The following TMEM156 variants were observed in gnomAD, a reference collection of about 807,000 sequenced individuals.
The protein encoded by TMEM156 is transmembrane protein 156.
Under a neutral mutation model 30.5 loss-of-function variants are expected in TMEM156, and 28 were observed. The observed-to-expected ratio is 0.92, with a 90% CI of 0.68 to 1.26. The LOEUF (loss-of-function observed/expected upper bound fraction) is 1.26, where lower values mean the gene tolerates loss of function less well. TMEM156 is among the 50% of genes most tolerant of loss of function. The pLI is 0.00. For synonymous variants in TMEM156, 137 were observed against 119.9 expected (o/e 1.14, Z -0.93); for missense variants, 351 against 340.6 (o/e 1.03, Z -0.24).
At position 38,999,156 on chromosome 4, in the gene TMEM156, G is replaced by A. The variant is rs559973969; in HGVS notation, c.89-247C>T. ...TTTTGAGACTGGATCTTGCTCTGTC[G>A]CCCAGGCTAGAGTGCAGTGGTGTAA... On this transcript the variant is annotated intron_variant, in intron 1 of 6. Transcript: ENST00000381938. Among the ~76,000 whole-genome samples the A allele has an allele frequency of 1.1e-3, 141 of 133,284 alleles. 1 individual carries two copies. The highest frequency in any genetic ancestry group is 8.3e-3 in the Middle Eastern group (2 of 242). The allele number at this position is 133,284 out of a possible 152,430, so 87.4% of individuals were successfully genotyped here. A position where few individuals can be genotyped will look rare whatever the true frequency, so the allele number is the denominator to read the frequency against.
Position 38,993,868 on chromosome 4 carries a change from G to GT in TMEM156, c.488dup (p.Asn163LysfsTer12), listed in dbSNP as rs757093457. ...CCATGATTGTTGATCTTCCAGTGTG[G>GT]TTTTTTAGATGACAGGTAGTGTTAT... On this transcript the variant is annotated frameshift_variant, in exon 3 of 7. Coordinates refer to ENST00000381938, the MANE Select transcript of TMEM156 (RefSeq NM_024943.3). LOFTEE classifies it high-confidence loss of function. The GT allele has an allele frequency of 4.3e-6, 7 of 1,613,980 alleles. No homozygotes were observed. In the African/African-American group the frequency reaches 6.7e-5, roughly 15 times the overall value.
intron 1 of TMEM156, among the ~76,000 whole-genome samples, chr4:39,013,162 A>G (rs956324623): frequency 6.6e-6 from 1 of 151,394 alleles, no homozygotes; most frequent in Admixed American, 6.6e-5. Flanking sequence ...TCAGCCGGGC[A>G]TGGTGGCACA....
chr4:38,970,311 T>C (rs1289787710), intron 6 of TMEM156, among the ~76,000 whole-genome samples: 1 of 152,186 alleles, frequency 6.6e-6, no homozygotes, highest in Non-Finnish European at 1.5e-5. Flanking sequence ...TAGTTTAATA[T>C]GCCCTTCATT....
chr4:39,003,355 A>G (rs1362766136), intron 1 of TMEM156, among the ~76,000 whole-genome samples: 2 of 152,076 alleles, frequency 1.3e-5, no homozygotes, highest in African/African-American at 4.8e-5. Context: ...TTATTTTAAG[A>G]TGGAGTTTTG....
At chr4:38,976,285 G>A (rs573111997) in intron 5 of TMEM156, among the ~76,000 whole-genome samples, 11 of 88,524 alleles carry the variant, frequency 1.2e-4, no homozygotes, top group Middle Eastern at 7.8e-3. Flanking sequence ...GCTAGACTCC[G>A]TCTCAAAAAA....
intron 5 of TMEM156, among the ~76,000 whole-genome samples, chr4:38,981,854 T>C (rs184046624): frequency 2.0e-5 from 3 of 152,314 alleles, no homozygotes; most frequent in Admixed American, 1.3e-4. Context: ...ACTGTGCCTA[T>C]GGTATGTGCC....
chr4:39,001,303 C>T (rs1392570916), intron 1 of TMEM156, among the ~76,000 whole-genome samples: 13 of 149,846 alleles, frequency 8.7e-5, no homozygotes, highest in Admixed American at 1.3e-4. Flanking sequence ...AGGAGAATGG[C>T]GTGAACCCAG....
intron 3 of TMEM156, among the ~76,000 whole-genome samples, chr4:38,992,702 T>TATATATATTATATATATATA (rs1560366776): frequency 0.011 from 539 of 48,654 alleles, 7 homozygotes; most frequent in African/African-American, 0.044. Context: ...TATTATATAA[T>TATATATATTATATATATATA]ATATATATAT....
intron 1 of TMEM156, among the ~76,000 whole-genome samples, chr4:39,002,032 T>C (rs1440535959): frequency 7.5e-6 from 1 of 133,784 alleles, no homozygotes; most frequent in Non-Finnish European, 1.7e-5. Flanking sequence ...AATTGACAAA[T>C]GGGATCTAAT....
At chr4:38,978,267 T>TAA (rs560962966) in intron 5 of TMEM156, among the ~76,000 whole-genome samples, 231 of 152,092 alleles carry the variant, frequency 1.5e-3, no homozygotes, top group Non-Finnish European at 2.4e-3. Flanking sequence ...AAGTAACTTT[T>TAA]AAAAAAATAC....
At chr4:38,988,007 T>A (rs906834117) in intron 4 of TMEM156, among the ~76,000 whole-genome samples, 1 of 152,134 alleles carries the variant, frequency 6.6e-6, no homozygotes, top group Non-Finnish European at 1.5e-5. Context: ...ACCGGTAGCA[T>A]CATACCAGTA....
intron 2 of TMEM156, among the ~76,000 whole-genome samples, chr4:38,994,831 G>T (rs997636277): frequency 2.6e-5 from 4 of 152,000 alleles, no homozygotes; most frequent in Non-Finnish European, 4.4e-5. Context: ...GCCTGCAGGT[G>T]TAGCTACTTG....
intron 6 of TMEM156, among the ~76,000 whole-genome samples, chr4:38,970,518 T>A (rs1011108303): frequency 6.6e-6 from 1 of 152,172 alleles, no homozygotes; most frequent in Non-Finnish European, 1.5e-5. Flanking sequence ...TGGCTATTCC[T>A]AGTGCCTTTA....
intron 1 of TMEM156, among the ~76,000 whole-genome samples, 197 bp from the exon 2 acceptor site, chr4:38,999,106 A>ATTTATT (rs1560372014): frequency 1.6e-4 from 6 of 37,068 alleles, no homozygotes; most frequent in Non-Finnish European, 4.8e-5. Context: ...ATTTTTATTT[A>ATTTATT]TTTATTTTTT....
intron 1 of TMEM156, among the ~76,000 whole-genome samples, chr4:39,021,951 C>T (rs1577584997): frequency 1.3e-5 from 2 of 152,154 alleles, no homozygotes; most frequent in East Asian, 3.8e-4. Context: ...AGATCCGATT[C>T]TGCTGTTTGT....
chr4:38,973,077 C>T (rs1032253961), intron 5 of TMEM156, among the ~76,000 whole-genome samples: 3 of 152,150 alleles, frequency 2.0e-5, no homozygotes, highest in Non-Finnish European at 2.9e-5. Flanking sequence ...TTAAAAGTCA[C>T]CCTAATGTGA....
rs71304784 is a variant in TMEM156, at chr4:38,990,830, GTTTTTTT to G, written c.620-1867_620-1861del. Among the ~76,000 whole-genome samples, 7 of 81,216 alleles carry G rather than the reference GTTTTTTT, an allele frequency of 8.6e-5. No individual in the cohort carries two copies. The East Asian group carries it at 1.3e-3, about 15-fold the overall frequency. 53.3% of individuals were successfully genotyped at this position (81,216 alleles called of 152,430 possible). A position where few individuals can be genotyped will look rare whatever the true frequency, so the allele number is the denominator to read the frequency against. On this transcript the variant is annotated intron_variant, in intron 3 of 6. Transcript: ENST00000381938. ...CTTTGTTTTTTTGGTTTGTTTTCTG[GTTTTTTT>G]TTTTTTTTTTTTTTTTGAGAGGGAG...
intron 1 of TMEM156, among the ~76,000 whole-genome samples, chr4:39,001,214 C>CAAAAAAAAAAAAA (rs34945666): frequency 8.7e-6 from 1 of 115,072 alleles, no homozygotes; most frequent in Non-Finnish European, 1.7e-5. Context: ...ACTAAAAATA[C>CAAAAAAAAAAAAA]AAAAAAAAAA....
intron 1 of TMEM156, among the ~76,000 whole-genome samples, chr4:39,012,960 A>C (rs1371647082): frequency 2.7e-5 from 4 of 150,250 alleles, no homozygotes; most frequent in African/African-American, 1.0e-4. Flanking sequence ...AAAGGAAAGA[A>C]AAAAAGAAAG....
Sources: gnomAD v4.1 joint callset for allele counts (sites outside exome capture counted in the v4.1 genomes callset) on GRCh38, gnomAD v4.1.1 for gene constraint, MANE v1.5 for transcripts, NCBI Gene and HGNC (gene_info 2026-07-23, HGNC 2026-07-21) for gene names.